PRKN: variants seen among roughly 807,000 people sequenced by gnomAD.
PRKN encodes E3 ubiquitin-protein ligase parkin.
Under a neutral mutation model 59.5 loss-of-function variants are expected in PRKN, and 56 were observed. The observed-to-expected ratio is 0.94, with a 90% CI of 0.76 to 1.18. The LOEUF is 1.18. PRKN is among the 50% of genes most tolerant of loss of function. The pLI is 0.00. For synonymous variants in PRKN, 250 were observed against 222.1 expected (o/e 1.13, Z -1.12); for missense variants, 657 against 596.4 (o/e 1.10, Z -1.06).
chr6:161,837,037 C>A (rs79631239), intron 6 of PRKN, among the ~76,000 whole-genome samples: 2 of 152,116 alleles, frequency 1.3e-5, no homozygotes, highest in African/African-American at 2.4e-5. Context: ...GCATCCCCTG[C>A]GCTCTGTCTT....
chr6:161,987,719 T>C (rs1781486648), intron 5 of PRKN, among the ~76,000 whole-genome samples: 1 of 152,228 alleles, frequency 6.6e-6, no homozygotes, highest in African/African-American at 2.4e-5. Flanking sequence ...AGGGCTGATG[T>C]TACATAGATT....
chr6:161,705,019 T>C (rs894727324), intron 7 of PRKN, among the ~76,000 whole-genome samples: 4 of 152,222 alleles, frequency 2.6e-5, no homozygotes, highest in African/African-American at 9.7e-5. Context: ...AAAGGTTCTC[T>C]GGGTGATGCC....
intron 7 of PRKN, among the ~76,000 whole-genome samples, chr6:161,572,225 G>A (rs2115487908): frequency 6.6e-6 from 1 of 152,252 alleles, no homozygotes; most frequent in East Asian, 1.9e-4. Flanking sequence ...TAAAATGCTG[G>A]AACATAGCTT....
chr6:161,476,316 T>A (rs1464624733), intron 9 of PRKN, among the ~76,000 whole-genome samples: 2 of 152,098 alleles, frequency 1.3e-5, no homozygotes, highest in South Asian at 2.1e-4. Context: ...AATAATTACA[T>A]CCTAAAAAAA....
intron 6 of PRKN, among the ~76,000 whole-genome samples, chr6:161,962,048 C>G (rs1455542803): frequency 6.6e-6 from 1 of 152,164 alleles, no homozygotes; most frequent in Admixed American, 6.5e-5. Flanking sequence ...AATGAACACA[C>G]CACGGCCCTT....
intron 6 of PRKN, among the ~76,000 whole-genome samples, chr6:161,899,521 G>A (rs1240837994): frequency 6.6e-6 from 1 of 152,206 alleles, no homozygotes; most frequent in South Asian, 2.1e-4. Context: ...TCACTGGGAA[G>A]TGGGGTTGAG....
intron 2 of PRKN, among the ~76,000 whole-genome samples, chr6:162,400,457 C>CAAAAAAAAAAAAAAAAAAAA (rs3081908): frequency 2.0e-5 from 2 of 98,660 alleles, no homozygotes; most frequent in Non-Finnish European, 3.9e-5. Context: ...ATGTAAATAT[C>CAAAAAAAAAAAAAAAAAAAA]AAAAAAAAAA....
At chr6:162,481,899 C>T (rs1202251870) in intron 1 of PRKN, among the ~76,000 whole-genome samples, 2 of 152,078 alleles carry the variant, frequency 1.3e-5, no homozygotes, top group African/African-American at 4.8e-5. Flanking sequence ...TTTATTAGCA[C>T]ACATAAAATC....
intron 2 of PRKN, among the ~76,000 whole-genome samples, chr6:162,342,692 G>A (rs1447412093): frequency 3.3e-5 from 5 of 152,116 alleles, no homozygotes; most frequent in African/African-American, 1.2e-4. Context: ...TTAAGGCACG[G>A]CTTCTCTAAG....
chr6:161,397,061 G>A lies in PRKN; in HGVS notation c.1084-10184C>T, dbSNP rs1215135879. ...CAGCCTCAGCCAAAATGATCAAGGT[G>A]TTTTCTTCCCAAGCCCTGTTTCTTA... is the stretch of plus-strand genomic sequence containing the variant. On this transcript the variant is annotated intron_variant, in intron 9 of 11. Coordinates refer to ENST00000366898, the MANE Select transcript of PRKN (RefSeq NM_004562.3). The surrounding 1 kb of genome is among the most constrained non-coding windows in gnomAD (Gnocchi z 4.2). Among the ~76,000 whole-genome samples, 1 of 152,170 alleles carries A rather than the reference G, an allele frequency of 6.6e-6. No individual in the cohort carries two copies. Among genetic ancestry groups the A allele is most frequent in the African/African-American group, 2.4e-5 (1 of 41,430 alleles).
intron 7 of PRKN, among the ~76,000 whole-genome samples, chr6:161,660,495 A>C (rs897621613): frequency 6.6e-6 from 1 of 152,252 alleles, no homozygotes; most frequent in Non-Finnish European, 1.5e-5. Flanking sequence ...GATCAAAGAC[A>C]CACAGCTGAA....
At chr6:162,287,982 T>G (rs911206336) in intron 2 of PRKN, among the ~76,000 whole-genome samples, 1 of 152,138 alleles carries the variant, frequency 6.6e-6, no homozygotes, top group African/African-American at 2.4e-5. Context: ...GACCCACAAT[T>G]TTCCCACTGC....
chr6:162,512,861 C>G (rs563243675), intron 1 of PRKN, among the ~76,000 whole-genome samples: 31 of 152,176 alleles, frequency 2.0e-4, no homozygotes, highest in African/African-American at 7.5e-4. Flanking sequence ...GAAAACATTG[C>G]AATTATTCAA....
chr6:161,354,635 C>G lies in PRKN; in HGVS notation c.1286-4424G>C, dbSNP rs1784682999. Among the ~76,000 whole-genome samples the G allele has an allele frequency of 1.3e-5, 2 of 152,172 alleles. No homozygotes were observed. Among genetic ancestry groups the G allele is most frequent in the African/African-American group, 4.8e-5 (2 of 41,438 alleles). On this transcript the variant is annotated intron_variant, in intron 11 of 11. Coordinates refer to ENST00000366898, the MANE Select transcript of PRKN (RefSeq NM_004562.3). The surrounding 1 kb of genome is among the most constrained non-coding windows in gnomAD (Gnocchi z 6.7). ...GAAATTCCTCGCATTCTCATTTCAGCTTCTCTGAGGGAGGAAGGGCATTCC... is the reference window on the plus strand; with the variant it reads ...GAAATTCCTCGCATTCTCATTTCAGGTTCTCTGAGGGAGGAAGGGCATTCC...
intron 6 of PRKN, among the ~76,000 whole-genome samples, chr6:161,809,578 AT>A (rs1329368077): frequency 6.6e-6 from 1 of 152,194 alleles, no homozygotes; most frequent in Non-Finnish European, 1.5e-5. Context: ...TAAGGGAAAT[AT>A]CTATTTTTTG....
chr6:161,523,093 A>G (rs1337147893), intron 9 of PRKN, among the ~76,000 whole-genome samples: 2 of 152,162 alleles, frequency 1.3e-5, no homozygotes, highest in Non-Finnish European at 2.9e-5. Flanking sequence ...TAAATGCATT[A>G]TGTTTTGGTA....
intron 6 of PRKN, among the ~76,000 whole-genome samples, chr6:161,852,986 G>A (rs1375959985): frequency 6.6e-6 from 1 of 152,074 alleles, no homozygotes; most frequent in African/African-American, 2.4e-5. Context: ...CACACACCAT[G>A]GCCTGTTTTT....
chr6:162,636,499 G>T (rs1777717999), intron 1 of PRKN, among the ~76,000 whole-genome samples: 1 of 152,170 alleles, frequency 6.6e-6, no homozygotes, highest in Non-Finnish European at 1.5e-5. Context: ...AACATGCCTT[G>T]TTAAGGGCAT....
intron 4 of PRKN, among the ~76,000 whole-genome samples, chr6:162,185,373 CAT>C (rs1387558680): frequency 6.6e-6 from 1 of 152,126 alleles, no homozygotes; most frequent in Non-Finnish European, 1.5e-5. Context: ...TCTTCAAAAT[CAT>C]AGGTTTCCAA....
Sources: allele counts gnomAD v4.1 joint callset (sites outside exome capture counted in the v4.1 genomes callset), GRCh38; gene constraint gnomAD v4.1.1; non-coding constraint Gnocchi (gnomAD v3.1); transcripts MANE v1.5; gene names NCBI Gene and HGNC (gene_info 2026-07-23, HGNC 2026-07-21).